The following B4GALNT2 variants were observed in gnomAD, a reference collection of about 807,000 sequenced individuals.
B4GALNT2 encodes N-acetylneuraminylgalactosylglucosyl-glucoside beta-1,4-N- acetylgalactosaminyltransferase 2.
In B4GALNT2, 42 loss-of-function variants were observed where a neutral mutation model predicts 51.1. That is an observed-to-expected ratio of 0.82 (90% CI 0.64 to 1.06). The LOEUF is 1.06. Among genes scored for constraint, B4GALNT2 ranks in the 50% least tolerant of loss-of-function variants. B4GALNT2 has a pLI of 0.00. For synonymous variants in B4GALNT2, 253 were observed against 251.7 expected, an observed-to-expected ratio of 1.01 and a Z score of -0.05; for missense variants, 602 against 633.6, an observed-to-expected ratio of 0.95 and a Z score of 0.54.
At chr17:49,140,096 G>A (rs1005789252) in intron 1 of B4GALNT2, among the ~76,000 whole-genome samples, 2 of 149,554 alleles carry the variant, frequency 1.3e-5, no homozygotes, top group Non-Finnish European at 3.0e-5. Context: ...AGCAAAACAG[G>A]ATTTTCTTTC....
In B4GALNT2 at chr17:49,173,423, C is replaced by G. The variant is rs1023217785; in HGVS notation, c.*3695C>G. 1 of 152,170 alleles carries G rather than the reference C, an allele frequency of 6.6e-6. No individual in the cohort carries two copies. Among genetic ancestry groups the G allele is most frequent in the African/African-American group, 2.4e-5 (1 of 41,436 alleles). 9.4% of individuals were successfully genotyped at this position (152,170 alleles called of 1,614,324 possible). A position where few individuals can be genotyped will look rare whatever the true frequency, so the allele number is the denominator to read the frequency against. On this transcript the variant is annotated 3_prime_UTR_variant, in exon 11 of 11. Coordinates refer to ENST00000393354, the MANE Select transcript of B4GALNT2 (RefSeq NM_001159387.2). ...TTCAAGCCAGAGTTAGAAGCTTTAC[C>G]ATTACTAGACCCATCTGTGAAGACA...
intron 1 of B4GALNT2, among the ~76,000 whole-genome samples, chr17:49,134,037 G>A (rs1018667984): frequency 6.6e-6 from 1 of 152,200 alleles, no homozygotes; most frequent in South Asian, 2.1e-4. Flanking sequence ...CTTGGCTAAG[G>A]CTTTCATTCC....
intron 1 of B4GALNT2, among the ~76,000 whole-genome samples, chr17:49,137,360 C>T (rs921140132): frequency 6.6e-6 from 1 of 152,136 alleles, no homozygotes. Context: ...GGAGTGGGTT[C>T]GTTATAGTAG....
At chr17:49,153,305 C>T (rs2042777208) in intron 4 of B4GALNT2, among the ~76,000 whole-genome samples, 1 of 151,858 alleles carries the variant, frequency 6.6e-6, no homozygotes, top group Non-Finnish European at 1.5e-5. Context: ...GTCCCAACTA[C>T]TTGTGGGGTT....
At chr17:49,140,717 T>C (rs921792680) in intron 1 of B4GALNT2, among the ~76,000 whole-genome samples, 1 of 134,392 alleles carries the variant, frequency 7.4e-6, no homozygotes, top group Non-Finnish European at 1.5e-5. Flanking sequence ...GACATTAACA[T>C]TACTAACCTT....
rs147804520 is a variant in B4GALNT2, at chr17:49,156,585, C to T, written c.480C>T (p.Pro160=). 33 of 1,613,758 alleles carry T rather than the reference C, an allele frequency of 2.0e-5. No homozygotes were observed. In the East Asian group the frequency reaches 4.0e-4, roughly 20 times the overall value. ...VPIPGLQFEG[P]DAPVYEVTLT... The stretch of plus-strand genomic sequence containing the variant: ...CTCCAGGCCTCCAGTTTGAAGGACC[C>T]GATGCCCCCGTCTATGAGGTGAGTC... The change falls in exon 5 of 11, where the codon CCC becomes CCT. Residue 160 remains proline (P), a synonymous_variant. Transcript: ENST00000393354.
rs533702167 is a variant in B4GALNT2 at position 49,156,683 on chromosome 17, C to T, written c.498+80C>T. On this transcript the variant is annotated intron_variant, in intron 5 of 10. Coordinates refer to ENST00000393354, the MANE Select transcript of B4GALNT2 (RefSeq NM_001159387.2). ...AACTGTGGCTGCTCTCAGCCTTTGA[C>T]GGAGCCCCTGTCCAGATTCAAGGTC... The T allele has an allele frequency of 9.4e-4, 1,393 of 1,487,870 alleles. 18 individuals are homozygous for T. The South Asian group carries it at 0.014, about 15-fold the overall frequency. 92.2% of individuals were successfully genotyped at this position (1,487,870 alleles called of 1,614,324 possible).
At chr17:49,140,532 T>C (rs1265694566) in intron 1 of B4GALNT2, among the ~76,000 whole-genome samples, 1 of 152,224 alleles carries the variant, frequency 6.6e-6, no homozygotes, top group East Asian at 1.9e-4. Flanking sequence ...CTAACTATCT[T>C]TGTATTTCTA....
chr17:49,157,257 C>T (rs572090033), intron 5 of B4GALNT2, among the ~76,000 whole-genome samples: 1 of 152,032 alleles, frequency 6.6e-6, no homozygotes, highest in Non-Finnish European at 1.5e-5. Context: ...ACCTCCTGGG[C>T]TCAAGCAATC....
chr17:49,137,215 T>C (rs939763630), intron 1 of B4GALNT2, among the ~76,000 whole-genome samples: 1 of 152,166 alleles, frequency 6.6e-6, no homozygotes, highest in African/African-American at 2.4e-5. Context: ...TATAATATGG[T>C]TTGAATGTGC....
At position 49,142,242 on chromosome 17, in the gene B4GALNT2, G is replaced by A. The variant is rs1429585038; in HGVS notation, c.353+70G>A. 4.4e-6 allele frequency: 7 copies of A among 1,575,258 alleles called. No homozygotes were observed. In the East Asian group the frequency reaches 1.6e-4, roughly 35 times the overall value. The stretch of plus-strand genomic sequence containing the variant: ...AGCCCTCCCTATGTCCTGAGGTTGT[G>A]AATCTTAAGAGAAAAAGCAGGAAGG... On this transcript the variant is annotated intron_variant, in intron 3 of 10. Transcript: ENST00000393354.
At chr17:49,147,839 TTA>T (rs150884753) in intron 3 of B4GALNT2, among the ~76,000 whole-genome samples, 4 of 149,010 alleles carry the variant, frequency 2.7e-5, no homozygotes, top group African/African-American at 9.8e-5. Flanking sequence ...TACATGTATG[TTA>T]TATATATATG....
intron 9 of B4GALNT2, among the ~76,000 whole-genome samples, chr17:49,166,746 C>T (rs770714056): frequency 9.9e-5 from 15 of 152,182 alleles, no homozygotes; most frequent in East Asian, 1.9e-4. Context: ...GCAGGAGGAT[C>T]GCTTGAGCCC....
In B4GALNT2 at chr17:49,133,110, T is replaced by C. The variant is rs766727016; in HGVS notation, c.14+304T>C. The C allele has an allele frequency of 3.3e-6, 5 of 1,524,416 alleles. No individual in the cohort carries two copies. Among genetic ancestry groups the C allele is most frequent in the Non-Finnish European group, 4.4e-6 (5 of 1,146,696 alleles). 94.4% of individuals were successfully genotyped at this position (1,524,416 alleles called of 1,614,324 possible). On this transcript the variant is annotated intron_variant, in intron 1 of 10. Transcript: ENST00000393354. ...GGAATGTGTCTCGGGGACGCCCGAG[T>C]GTGGGAATCGGCTCGGGAGTGCGGG...
Position 49,150,202 on chromosome 17 carries a change from GGGTCAGCCCCCCGCCC to G in B4GALNT2, c.354-2595_354-2580del, listed in dbSNP as rs1238121447. 1.6e-3 allele frequency among the ~76,000 whole-genome samples: 188 copies of G among 118,660 alleles called. 4 individuals are homozygous for G. The highest frequency in any genetic ancestry group is 5.0e-3 in the African/African-American group (167 of 33,124). 77.8% of individuals were successfully genotyped at this position (118,660 alleles called of 152,430 possible). A position where few individuals can be genotyped will look rare whatever the true frequency, so the allele number is the denominator to read the frequency against. On this transcript the variant is annotated intron_variant, in intron 3 of 10. Coordinates refer to ENST00000393354, the MANE Select transcript of B4GALNT2 (RefSeq NM_001159387.2). ...CGCCCCGTCCGGGAGGGAGGTGGGG[GGGTCAGCCCCCCGCCC>G]GGCCAGCCGCCCCGTCCGGGAGGGA...
intron 3 of B4GALNT2, chr17:49,148,377 C>A: frequency 2.8e-6 from 1 of 355,336 alleles, no homozygotes; most frequent in Admixed American, 3.6e-5. Flanking sequence ...CCAAATCTGC[C>A]TCTTACTGGA....
At chr17:49,121,610 G>A in the B4GALNT2 span, among the ~76,000 whole-genome samples, 1 of 152,186 alleles carries the variant, frequency 6.6e-6, no homozygotes, top group Non-Finnish European at 1.5e-5. Flanking sequence ...CAAATACAGA[G>A]GAGATTCAGG....
chr17:49,156,467 T>G, intron 4 of B4GALNT2, 99 bp from the exon 5 acceptor site: 1 of 1,285,660 alleles, frequency 7.8e-7, no homozygotes, highest in South Asian at 1.3e-5. Context: ...TTGAAGGAGC[T>G]CTCAAGGATG....
chr17:49,141,561 C>T (rs2042644399), intron 2 of B4GALNT2, 114 bp downstream of exon 2: 6 of 1,179,598 alleles, frequency 5.1e-6, no homozygotes, highest in Admixed American at 2.1e-5. Context: ...CTTTCCTAAG[C>T]CTGTGCTGAA....
Sources: allele counts gnomAD v4.1 joint callset (sites outside exome capture counted in the v4.1 genomes callset), GRCh38; gene constraint gnomAD v4.1.1; transcripts MANE v1.5; gene names NCBI Gene and HGNC (gene_info 2026-07-23, HGNC 2026-07-21).